VSIG10L: variants seen among roughly 807,000 people sequenced by gnomAD.
The protein encoded by VSIG10L is V-set and immunoglobulin domain-containing protein 10-like.
Under a neutral mutation model 67.3 loss-of-function variants are expected in VSIG10L, and 63 were observed. The observed-to-expected ratio is 0.94, with a 90% confidence interval of 0.76 to 1.15. The LOEUF (loss-of-function observed/expected upper bound fraction) is 1.15, where lower values mean the gene tolerates loss of function less well. VSIG10L is among the 50% of genes most tolerant of loss of function. The pLI, the probability that VSIG10L is intolerant of heterozygous loss-of-function variation, is 0.00. For missense variants in VSIG10L, 1,050 were observed against 1,177.5 expected (o/e 0.89, Z 1.58); for synonymous variants, 499 against 524.9 (o/e 0.95, Z 0.67).
chr19:51,338,358 C>T lies in VSIG10L; in HGVS notation c.1730-150G>A, dbSNP rs533862299. The T allele has an allele frequency of 2.7e-4, 199 of 727,578 alleles. 3 individuals carry two copies. The South Asian group carries it at 3.5e-3, about 13-fold the overall frequency. The allele number at this position is 727,578 out of a possible 1,614,324, so 45.1% of individuals were successfully genotyped here. ...CTGCCAATTTACTCACTCATTAGCT[C>T]ATTCATTCATTCATTCATTTATTAT... On this transcript the variant is annotated intron_variant, in intron 5 of 9. Transcript: ENST00000335624.
chr19:51,340,293 G>C lies in VSIG10L; in HGVS notation c.1196C>G (p.Pro399Arg). 2 of 1,517,612 alleles carry C rather than the reference G, an allele frequency of 1.3e-6. No homozygotes were observed. The highest frequency in any genetic ancestry group is 1.4e-5 in the African/African-American group (1 of 70,756). The allele number at this position is 1,517,612 out of a possible 1,614,324, so 94.0% of individuals were successfully genotyped here. ...AAADVSVFYG[P>R]DPPTITVSSD... ...GGAGACCGTGATGGTCGGCGGGTCC[G>C]GGCCGTCTGGAGGGAGGAGGGGTCG... Residue 399 changes from proline to arginine, a missense_variant, in exon 4 of 10, where the codon CCG (proline) becomes CGG (arginine). Coordinates refer to ENST00000335624, the MANE Select transcript of VSIG10L (RefSeq NM_001163922.3). This position sits in a 1 kb window ranked among gnomAD's most constrained non-coding sequence, Gnocchi z 6.3.
At chr19:51,334,074 G>T in intron 8 of VSIG10L, 117 bp downstream of exon 8, 1 of 1,470,758 alleles carries the variant, frequency 6.8e-7, no homozygotes. Flanking sequence ...GGAGGTAGGA[G>T]GGCAGGATGG....
rs969790146 is a variant in VSIG10L at position 51,336,892 on chromosome 19, C to G, written c.2305+346G>C. On this transcript the variant is annotated intron_variant, in intron 7 of 9. Transcript: ENST00000335624. ...CGCCATTCTCCTGCCTCAGCCTCCC[C>G]AGTAGCTGGGACTACAGGCGCCCGC... Among the ~76,000 whole-genome samples, 107 of 151,816 alleles carry G rather than the reference C, an allele frequency of 7.0e-4. 1 individual carries two copies. The highest frequency in any genetic ancestry group is 3.4e-3 in the Middle Eastern group (1 of 292).
In VSIG10L at chr19:51,340,871, G is replaced by A. The variant is rs10405101; in HGVS notation, c.896-145C>T. On this transcript the variant is annotated intron_variant, in intron 2 of 9. Coordinates refer to ENST00000335624, the MANE Select transcript of VSIG10L (RefSeq NM_001163922.3). This position sits in a 1 kb window ranked among gnomAD's most constrained non-coding sequence, Gnocchi z 6.3. Reference sequence around the variant, plus strand: ...TCCTCTCATAAACCTATGAGTTTGAGCCCCCAGACACCTCCTCTCCGGGAC... The same window carrying A: ...TCCTCTCATAAACCTATGAGTTTGAACCCCCAGACACCTCCTCTCCGGGAC... The A allele has an allele frequency of 5.2e-3, 6,011 of 1,150,848 alleles. 247 individuals are homozygous for A. In the African/African-American group the frequency reaches 0.085, roughly 16 times the overall value. 71.3% of individuals were successfully genotyped at this position (1,150,848 alleles called of 1,614,324 possible). A position where few individuals can be genotyped will look rare whatever the true frequency, so the allele number is the denominator to read the frequency against.
At chr19:51,339,283 G>C (rs1202505123) in intron 4 of VSIG10L, 141 bp from the exon 5 acceptor site, 1 of 954,770 alleles carries the variant, frequency 1.0e-6, no homozygotes. Context: ...CTGCGATCCC[G>C]TTCCCTTTTC....
intron 4 of VSIG10L, among the ~76,000 whole-genome samples, chr19:51,339,399 C>G (rs1036619132): frequency 5.3e-5 from 8 of 152,142 alleles, no homozygotes; most frequent in African/African-American, 1.9e-4. Flanking sequence ...CCAAACGTAA[C>G]TCAGCCCCTT....
In VSIG10L at chr19:51,341,229, A is replaced by G. The variant is rs1242019102; in HGVS notation, c.819T>C (p.Asp273=). The change falls in exon 2 of 10, where the codon GAT becomes GAC. Residue 273 remains aspartate, a synonymous_variant. Transcript: ENST00000335624. ...TGACCTCAGCCGTGTAGACCCCTGC[A>G]TCGTCCAGCTGGGCAGAGGCGAGCT... The part of the protein sequence containing the change: ...VLELASAQLD[D]AGVYTAEVIR... 3 of 1,550,566 alleles carry G rather than the reference A, an allele frequency of 1.9e-6. No individual in the cohort carries two copies. The highest frequency in any genetic ancestry group is 2.6e-6 in the Non-Finnish European group (3 of 1,146,816).
At chr19:51,334,003 C>T (rs1985419496) in intron 8 of VSIG10L, 58 bp from the exon 9 acceptor site, 1 of 1,543,388 alleles carries the variant, frequency 6.5e-7, no homozygotes, top group African/African-American at 1.4e-5. Context: ...AACATGCCAA[C>T]CCAGCCAATA....
intron 7 of VSIG10L, 107 bp from the exon 8 acceptor site, chr19:51,334,411 C>T: frequency 1.2e-6 from 1 of 868,714 alleles, no homozygotes; most frequent in Non-Finnish European, 1.8e-6. Context: ...CCGGCCCCCA[C>T]TGTCCCTCCC....
At position 51,333,876 on chromosome 19, in the gene VSIG10L, A is replaced by T; in HGVS notation, c.2489T>A (p.Met830Lys). 6.4e-7 allele frequency: 1 copy of T among 1,551,716 alleles called. No individual in the cohort carries two copies. Among genetic ancestry groups the T allele is most frequent in the Non-Finnish European group, 8.7e-7 (1 of 1,146,992 alleles). The stretch of plus-strand genomic sequence containing the variant: ...AATCTCCACTGGGGTCACACTATGC[A>T]TCTTCTTTTCTGAGGGGGTGACCAC... Reference protein sequence around the residue: ...VPVVTPSEKKMHSVTPVEISW... With the variant: ...VPVVTPSEKKKHSVTPVEISW... The change falls in exon 9 of 10, where the codon ATG (methionine) becomes AAG (lysine). Residue 830 changes from methionine (M) to lysine (K), a missense_variant. By Grantham distance (95) the Met-to-Lys change is moderately conservative. This residue lies in a region of VSIG10L where 529 missense variants were observed against 584.9 expected (regional missense o/e 0.90). Coordinates refer to ENST00000335624, the MANE Select transcript of VSIG10L (RefSeq NM_001163922.3).
Position 51,340,054 on chromosome 19 carries a change from C to G in VSIG10L, c.1435G>C (p.Gly479Arg). The G allele has an allele frequency of 1.4e-6, 2 of 1,436,716 alleles. No individual in the cohort carries two copies. Among genetic ancestry groups the G allele is most frequent in the Non-Finnish European group, 1.8e-6 (2 of 1,096,860 alleles). 89.0% of individuals were successfully genotyped at this position (1,436,716 alleles called of 1,614,324 possible). Residue 479 changes from glycine (G) to arginine (R), a missense_variant, in exon 4 of 10, where the codon GGC becomes CGC. Coordinates refer to ENST00000335624, the MANE Select transcript of VSIG10L (RefSeq NM_001163922.3). This position sits in a 1 kb window ranked among gnomAD's most constrained non-coding sequence, Gnocchi z 6.3. ...TTGAGCAGCGAGCGGCGGCGGCGGCCGGTACGCGGGTTCGCCGCCAGGCAG... is the reference window on the plus strand; with the variant it reads ...TTGAGCAGCGAGCGGCGGCGGCGGCGGGTACGCGGGTTCGCCGCCAGGCAG... ...YACLAANPRTGRRRRSLLNLT... is the reference protein window; with the variant it reads ...YACLAANPRTRRRRRSLLNLT...
rs1484895099 is a variant in VSIG10L, at chr19:51,333,870, C to T, written c.2495G>A (p.Ser832Asn). 2 of 1,551,714 alleles carry T rather than the reference C, an allele frequency of 1.3e-6. No individual in the cohort carries two copies. The highest frequency in any genetic ancestry group is 1.7e-6 in the Non-Finnish European group (2 of 1,146,996). ...CCATGAAATCTCCACTGGGGTCACA[C>T]TATGCATCTTCTTTTCTGAGGGGGT... ...VVTPSEKKMH[S>N]VTPVEISWPL... The change falls in exon 9 of 10, where the codon AGT (serine) becomes AAT (asparagine). Residue 832 changes from serine to asparagine, a missense_variant. By Grantham distance (46) the Ser-to-Asn change is conservative. Transcript: ENST00000335624.
In VSIG10L at chr19:51,337,515, C is replaced by A; in HGVS notation, c.2028G>T (p.Trp676Cys). The A allele has an allele frequency of 6.5e-7, 1 of 1,545,246 alleles. No individual in the cohort carries two copies. The highest frequency in any genetic ancestry group is 8.8e-7 in the Non-Finnish European group (1 of 1,142,264). The change falls in exon 7 of 10, where the codon TGG (tryptophan) becomes TGT (cysteine). Residue 676 changes from tryptophan to cysteine, a missense_variant. Coordinates refer to ENST00000335624, the MANE Select transcript of VSIG10L (RefSeq NM_001163922.3). ...ITLIGPSISS[W>C]RLQRARDAAV... The stretch of plus-strand genomic sequence containing the variant: ...CTGCATCTCTGGCTCTCTGAAGCCT[C>A]CACGAGGATATGGAGGGTCCTAGAG...
At chr19:51,336,153 C>CTG (rs1306124275) in intron 7 of VSIG10L, among the ~76,000 whole-genome samples, 1 of 152,188 alleles carries the variant, frequency 6.6e-6, no homozygotes, top group Non-Finnish European at 1.5e-5. Flanking sequence ...GTCCTAACCC[C>CTG]TGTTCCTGTG....
Position 51,340,033 on chromosome 19 carries a change from G to A in VSIG10L, c.1456C>T (p.Leu486Phe), listed in dbSNP as rs774476753. ...PRTGRRRRSL[L>F]NLTVADLPPG... is the part of the protein sequence containing the mutation. ...CTCTCACCCGCCACTGTAAGGTTGA[G>A]CAGCGAGCGGCGGCGGCGGCCGGTA... Residue 486 changes from leucine to phenylalanine, a missense_variant, in exon 4 of 10, where the codon CTC becomes TTC. This residue lies in a region of VSIG10L where 529 missense variants were observed against 584.9 expected (regional missense o/e 0.90). Coordinates refer to ENST00000335624, the MANE Select transcript of VSIG10L (RefSeq NM_001163922.3). This position sits in a 1 kb window ranked among gnomAD's most constrained non-coding sequence, Gnocchi z 6.3. The A allele has an allele frequency of 4.2e-6, 6 of 1,436,656 alleles. No homozygotes were observed. Among genetic ancestry groups the A allele is most frequent in the South Asian group, 4.1e-5 (3 of 73,632 alleles). 89.0% of individuals were successfully genotyped at this position (1,436,656 alleles called of 1,614,324 possible).
intron 4 of VSIG10L, 138 bp from the exon 5 acceptor site, chr19:51,339,280 C>G: frequency 2.1e-6 from 2 of 968,106 alleles, no homozygotes; most frequent in Non-Finnish European, 2.7e-6. Flanking sequence ...TTCCTGCGAT[C>G]CCGTTCCCTT....
chr19:51,338,104 A>G lies in VSIG10L; in HGVS notation c.1834T>C (p.Ser612Pro). ...AGGGGCCTCCCTTCCCGGGCCCAGG[A>G]TGCCCGTGAGGGTGGGGGACAACCA... ...ASGCPPPSRA[S>P]WAREGRPLAP... The change falls in exon 6 of 10, where the codon TCC becomes CCC. Residue 612 changes from serine to proline, a missense_variant. This residue lies in a region of VSIG10L where 529 missense variants were observed against 584.9 expected (regional missense o/e 0.90). Transcript: ENST00000335624. 6.4e-7 allele frequency: 1 copy of G among 1,550,830 alleles called. No individual in the cohort carries two copies. The highest frequency in any genetic ancestry group is 8.7e-7 in the Non-Finnish European group (1 of 1,146,702).
At position 51,337,921 on chromosome 19, in the gene VSIG10L, G is replaced by C; in HGVS notation, c.2008+9C>G. ...GGACTTCAGGGTTTTTTGAAATAAC[G>C]TGGCTCACCAATGAGGGTGATCTGG... On this transcript the variant is annotated intron_variant, in intron 6 of 9. Transcript: ENST00000335624. The C allele has an allele frequency of 6.5e-7, 1 of 1,533,520 alleles. No homozygotes were observed. Among genetic ancestry groups the C allele is most frequent in the South Asian group, 1.2e-5 (1 of 82,576 alleles). The allele number at this position is 1,533,520 out of a possible 1,614,324, so 95.0% of individuals were successfully genotyped here. A position where few individuals can be genotyped will look rare whatever the true frequency, so the allele number is the denominator to read the frequency against.
Position 51,334,291 on chromosome 19 carries a change from G to T in VSIG10L, c.2319C>A (p.Ser773Arg). The change falls in exon 8 of 10, where the codon AGC (serine) becomes AGA (arginine). Residue 773 changes from serine to arginine, a missense_variant. Physicochemically the swap from Ser to Arg is moderately radical, Grantham distance 110 (BLOSUM62 -1). Around this residue, in one of 3 missense-constraint regions of VSIG10L, gnomAD observed 529 missense variants for 584.9 expected, o/e 0.90. Transcript: ENST00000335624. The part of the protein sequence containing the change: ...SRVYRAGPTL[S>R]HGAIAGIVLG... ...GGACGATGCCAGCGATGGCCCCATG[G>T]CTCAACGTGGGGCCTGGAAGAGACA... 1 of 1,551,636 alleles carries T rather than the reference G, an allele frequency of 6.4e-7. No homozygotes were observed. Among genetic ancestry groups the T allele is most frequent in the Non-Finnish European group, 8.7e-7 (1 of 1,146,940 alleles).
Sources: gnomAD v4.1 joint callset for allele counts (sites outside exome capture counted in the v4.1 genomes callset) on GRCh38, gnomAD v4.1.1 for gene constraint, gnomAD v4.1.1 regional missense constraint, Gnocchi (gnomAD v3.1) non-coding constraint, MANE v1.5 for transcripts, NCBI Gene and HGNC (gene_info 2026-07-23, HGNC 2026-07-21) for gene names.